Variants in IL23R observed in about 807,000 individuals in gnomAD.
The protein encoded by IL23R is interleukin 23 receptor, also known as interleukin-23 receptor.
In IL23R, 34 loss-of-function variants were observed where a neutral mutation model predicts 56.9. The ratio of observed to expected loss-of-function variants is 0.60; its 90% CI spans 0.45 to 0.80. The LOEUF is 0.80. Ranked by LOEUF, IL23R falls within the 30% of genes least tolerant of loss-of-function variation. The pLI, the probability that IL23R is intolerant of heterozygous loss-of-function variation, is 0.00. For missense variants in IL23R, 635 were observed against 730.0 expected, an observed-to-expected ratio of 0.87 and a Z score of 1.50; for synonymous variants, 230 against 249.2, an observed-to-expected ratio of 0.92 and a Z score of 0.73.
chr1:67,258,424 A>T, intron 10 of IL23R, 54 bp from the exon 11 acceptor site: 1 of 1,363,442 alleles, frequency 7.3e-7, no homozygotes, highest in Non-Finnish European at 1.0e-6. Flanking sequence ...TCAATTATCC[A>T]GTTGGTTCTT....
intron 7 of IL23R, among the ~76,000 whole-genome samples, chr1:67,220,178 G>C (rs561030553): frequency 3.3e-5 from 5 of 151,942 alleles, no homozygotes; most frequent in Non-Finnish European, 7.4e-5. Flanking sequence ...AGACCTCCTC[G>C]GCCGACATGG....
In IL23R at chr1:67,259,501, G is replaced by T. The variant is rs1293746960; in HGVS notation, c.*373G>T. On this transcript the variant is annotated 3_prime_UTR_variant, in exon 11 of 11. Coordinates refer to ENST00000347310, the MANE Select transcript of IL23R (RefSeq NM_144701.3). ...ACATGCTTCATGGTCACACATACAG[G>T]CACAAAAACAGCATTATGTGGACGC... 7.2e-6 allele frequency: 2 copies of T among 278,934 alleles called. No homozygotes were observed. Among genetic ancestry groups the T allele is most frequent in the Non-Finnish European group, 1.4e-5 (2 of 145,756 alleles). The allele number at this position is 278,934 out of a possible 1,614,324, so 17.3% of individuals were successfully genotyped here.
At chr1:67,180,717 A>T (rs1160752065) in intron 3 of IL23R, among the ~76,000 whole-genome samples, 3 of 152,154 alleles carry the variant, frequency 2.0e-5, no homozygotes, top group Non-Finnish European at 4.4e-5. Flanking sequence ...CCTAGCCTCG[A>T]TGGTCTTTAC....
intron 6 of IL23R, among the ~76,000 whole-genome samples, chr1:67,218,720 C>A (rs113434353): frequency 6.6e-6 from 1 of 151,276 alleles, no homozygotes; most frequent in South Asian, 2.1e-4. Context: ...GCCCAGGAGA[C>A]CAGCCTGGGC....
chr1:67,248,905 A>G (rs1392286782), intron 9 of IL23R, among the ~76,000 whole-genome samples: 1 of 152,046 alleles, frequency 6.6e-6, no homozygotes, highest in Non-Finnish European at 1.5e-5. Flanking sequence ...GCTTCTTTTG[A>G]CTAGGAAAGG....
chr1:67,260,710 CA>C (rs1485470923), downstream of IL23R, among the ~76,000 whole-genome samples: 3 of 152,092 alleles, frequency 2.0e-5, no homozygotes, highest in Non-Finnish European at 4.4e-5. Flanking sequence ...TGGGCAAGGA[CA>C]ACTTTTCTGA....
At chr1:67,139,470 T>G (rs1646614316) in intron 1 of IL23R, among the ~76,000 whole-genome samples, 1 of 152,240 alleles carries the variant, frequency 6.6e-6, no homozygotes, top group African/African-American at 2.4e-5. Flanking sequence ...AACTTGATTA[T>G]AAGTTCTAAG....
Position 67,219,589 on chromosome 1 carries a change from A to G in IL23R, c.814A>G (p.Thr272Ala). 6.2e-7 allele frequency: 1 copy of G among 1,613,994 alleles called. No homozygotes were observed. The highest frequency in any genetic ancestry group is 8.5e-7 in the Non-Finnish European group (1 of 1,179,908). ...TCCATTTTAGGTTAAAGAATTTGAC[A>G]CCAATTTTACATATGTGCAACAGTC... ...NQTWNVKEFD[T>A]NFTYVQQSEF... The change falls in exon 7 of 11, where the codon ACC (threonine) becomes GCC (alanine). Residue 272 changes from threonine (T) to alanine (A), a missense_variant. Physicochemically the swap from Thr to Ala is moderately conservative, Grantham distance 58 (BLOSUM62 0). Transcript: ENST00000347310.
intron 2 of IL23R, 118 bp from the exon 3 acceptor site, chr1:67,169,224 T>G (rs1413617467): frequency 1.3e-6 from 1 of 794,126 alleles, no homozygotes; most frequent in African/African-American, 1.7e-5. Context: ...CTAAAACTGT[T>G]TTCAATGGAA....
At chr1:67,219,818 C>A in intron 7 of IL23R, 88 bp downstream of exon 7, 1 of 1,315,526 alleles carries the variant, frequency 7.6e-7, no homozygotes, top group Non-Finnish European at 1.1e-6. Flanking sequence ...ATAATTCCAG[C>A]ACTTTGAGAG....
At chr1:67,220,885 C>T (rs766656978) in intron 7 of IL23R, among the ~76,000 whole-genome samples, 35 of 152,300 alleles carry the variant, frequency 2.3e-4, no homozygotes, top group Middle Eastern at 3.4e-3. Flanking sequence ...ACTACAGATG[C>T]GGTCCACCAT....
chr1:67,190,444 C>A (rs77541519), intron 4 of IL23R, among the ~76,000 whole-genome samples: 76 of 29,908 alleles, frequency 2.5e-3, no homozygotes, highest in African/African-American at 6.9e-3. Context: ...AAAAAAAAAA[C>A]CAAAAAAAAA....
Position 67,219,747 on chromosome 1 carries a change from A to G in IL23R, c.955+17A>G, listed in dbSNP as rs372841219. On this transcript the variant is annotated intron_variant, in intron 7 of 10. Coordinates refer to ENST00000347310, the MANE Select transcript of IL23R (RefSeq NM_144701.3). The stretch of plus-strand genomic sequence containing the variant: ...CTGAAACAGGTGAGTGTACTTATAT[A>G]TTTTATTCTGTTGGGCTTTTCTTTA... 4 of 1,609,602 alleles carry G rather than the reference A, an allele frequency of 2.5e-6. No individual in the cohort carries two copies. The highest frequency in any genetic ancestry group is 1.3e-5 in the African/African-American group (1 of 74,950).
At chr1:67,193,563 C>A (rs1197424542) in intron 4 of IL23R, among the ~76,000 whole-genome samples, 2 of 151,742 alleles carry the variant, frequency 1.3e-5, no homozygotes, top group Non-Finnish European at 2.9e-5. Flanking sequence ...CAGGGAACAT[C>A]AGAAAAATAT....
chr1:67,168,147 T>G lies in IL23R; in HGVS notation c.27T>G (p.Asp9Glu), dbSNP rs144070297. 156 of 1,612,110 alleles carry G rather than the reference T, an allele frequency of 9.7e-5. No individual in the cohort carries two copies. The highest frequency in any genetic ancestry group is 1.3e-4 in the Non-Finnish European group (152 of 1,178,362). Residue 9 changes from aspartate (D) to glutamate (E), a missense_variant, in exon 2 of 11, where the codon GAT becomes GAG. Asp to Glu is a conservative substitution (Grantham distance 45). Transcript: ENST00000347310. Reference protein sequence around the residue: MNQVTIQWDAVIALYILFS... With the variant: MNQVTIQWEAVIALYILFS... ...TGAATCAGGTCACTATTCAATGGGATGCAGTAATAGCCCTTTACATACTCT... is the reference window on the plus strand; with the variant it reads ...TGAATCAGGTCACTATTCAATGGGAGGCAGTAATAGCCCTTTACATACTCT...
intron 1 of IL23R, among the ~76,000 whole-genome samples, chr1:67,151,410 T>G (rs557458187): frequency 6.6e-6 from 1 of 152,346 alleles, no homozygotes; most frequent in Non-Finnish European, 1.5e-5. Context: ...GCCTGTTCAC[T>G]CTGATGCTAG....
At chr1:67,249,993 T>A (rs1302412156) in intron 9 of IL23R, among the ~76,000 whole-genome samples, 1 of 152,232 alleles carries the variant, frequency 6.6e-6, no homozygotes, top group Non-Finnish European at 1.5e-5. Context: ...AGAATTTCTT[T>A]TTATAAGATT....
intron 1 of IL23R, among the ~76,000 whole-genome samples, chr1:67,148,509 A>G (rs1646701940): frequency 6.6e-6 from 1 of 152,090 alleles, no homozygotes; most frequent in Non-Finnish European, 1.5e-5. Context: ...TTACTACCTG[A>G]TGGGTCAGGT....
chr1:67,234,333 G>A (rs1651314470), intron 7 of IL23R, among the ~76,000 whole-genome samples: 1 of 152,056 alleles, frequency 6.6e-6, no homozygotes, highest in South Asian at 2.1e-4. Flanking sequence ...TGAGGATTAA[G>A]CACCTCTTAT....
Sources: gnomAD v4.1 joint callset for allele counts (sites outside exome capture counted in the v4.1 genomes callset) on GRCh38, gnomAD v4.1.1 for gene constraint, MANE v1.5 for transcripts, NCBI Gene and HGNC (gene_info 2026-07-23, HGNC 2026-07-21) for gene names.